The following ZMYM4 variants were observed in gnomAD, a reference collection of about 807,000 sequenced individuals.
The protein encoded by ZMYM4 is zinc finger MYM-type containing 4.
ZMYM4 carries 31 observed loss-of-function variants against 183.2 expected under a neutral mutation model. The observed-to-expected ratio is 0.17, with a 90% confidence interval of 0.13 to 0.23. The LOEUF is 0.23. ZMYM4 is among the 10% of genes least tolerant of loss of function. ZMYM4 has a pLI of 1.00. For synonymous variants in ZMYM4, 592 were observed against 631.2 expected (o/e 0.94, Z 0.93); for missense variants, 1,273 against 1,840.3 (o/e 0.69, Z 5.64).
chr1:35,312,345 C>T (rs1641840802), intron 1 of ZMYM4, among the ~76,000 whole-genome samples: 1 of 152,096 alleles, frequency 6.6e-6, no homozygotes, highest in African/African-American at 2.4e-5. Flanking sequence ...GCTTCTGGAA[C>T]TCTGATGCCA....
At chr1:35,414,162 T>A in intron 27 of ZMYM4, 79 bp downstream of exon 27, 2 of 874,450 alleles carry the variant, frequency 2.3e-6, no homozygotes, top group Non-Finnish European at 3.6e-6. Context: ...TTTAAAAAAA[T>A]TGTTCATTTT....
intron 26 of ZMYM4, 49 bp from the exon 27 acceptor site, chr1:35,413,923 C>T (rs764323471): frequency 1.8e-6 from 2 of 1,100,664 alleles, no homozygotes; most frequent in Non-Finnish European, 2.6e-6. Flanking sequence ...TTTAAGAACT[C>T]ATGTTTTCTT....
chr1:35,299,728 T>G (rs1220826260), intron 1 of ZMYM4, among the ~76,000 whole-genome samples: 1 of 151,726 alleles, frequency 6.6e-6, no homozygotes, highest in African/African-American at 2.4e-5. Context: ...GTTACAAAGT[T>G]ACACTCTTAT....
intron 23 of ZMYM4, among the ~76,000 whole-genome samples, chr1:35,402,544 G>T (rs370914418): frequency 2.6e-4 from 40 of 152,184 alleles, no homozygotes; most frequent in African/African-American, 3.9e-4. Flanking sequence ...TTGAGCCTAG[G>T]GGGGGTCGAG....
intron 2 of ZMYM4, among the ~76,000 whole-genome samples, chr1:35,340,471 A>G (rs1338758963): frequency 6.6e-6 from 1 of 151,986 alleles, no homozygotes; most frequent in Non-Finnish European, 1.5e-5. Context: ...ACAGCACATT[A>G]TAATGTAGAA....
chr1:35,278,815 A>G (rs927860347), intron 1 of ZMYM4, among the ~76,000 whole-genome samples: 2 of 152,210 alleles, frequency 1.3e-5, no homozygotes, highest in Non-Finnish European at 2.9e-5. Flanking sequence ...AGGTAAGAGT[A>G]TGGACTCGGC....
intron 1 of ZMYM4, among the ~76,000 whole-genome samples, chr1:35,320,804 T>C (rs1024949785): frequency 6.6e-6 from 1 of 152,230 alleles, no homozygotes; most frequent in Non-Finnish European, 1.5e-5. Flanking sequence ...TGTTCTGTGT[T>C]GCGAGACTGT....
At chr1:35,283,603 C>G (rs1251946861) in intron 1 of ZMYM4, among the ~76,000 whole-genome samples, 1 of 151,994 alleles carries the variant, frequency 6.6e-6, no homozygotes, top group Non-Finnish European at 1.5e-5. Context: ...TCCCAAAGTG[C>G]TGGGATTACA....
intron 5 of ZMYM4, among the ~76,000 whole-genome samples, chr1:35,362,905 C>G (rs1055498913): frequency 6.6e-6 from 1 of 152,154 alleles, no homozygotes; most frequent in Non-Finnish European, 1.5e-5. Flanking sequence ...GACGTGATGG[C>G]TCACGCCTGT....
chr1:35,323,297 C>G (rs111360061), intron 1 of ZMYM4, among the ~76,000 whole-genome samples: 2,354 of 151,882 alleles, frequency 0.015, 67 homozygotes, highest in African/African-American at 0.054. Flanking sequence ...CCACTGCACC[C>G]GGCTGGACAA....
chr1:35,307,915 C>T (rs1019392308), intron 1 of ZMYM4, among the ~76,000 whole-genome samples: 8 of 148,656 alleles, frequency 5.4e-5, no homozygotes, highest in South Asian at 2.1e-4. Context: ...CTGCAACCTC[C>T]GCCTCCCGGG....
At chr1:35,362,887 A>G (rs1643974374) in intron 5 of ZMYM4, among the ~76,000 whole-genome samples, 1 of 152,042 alleles carries the variant, frequency 6.6e-6, no homozygotes. Flanking sequence ...AGATTTGTAG[A>G]GGGGCCAGAC....
At chr1:35,333,916 G>A (rs1209950556) in intron 2 of ZMYM4, among the ~76,000 whole-genome samples, 4 of 151,674 alleles carry the variant, frequency 2.6e-5, no homozygotes, top group South Asian at 4.2e-4. Context: ...CATTTATGTC[G>A]TTTAAGGTTT....
At chr1:35,335,574 G>T (rs529806439) in intron 2 of ZMYM4, among the ~76,000 whole-genome samples, 6 of 152,184 alleles carry the variant, frequency 3.9e-5, no homozygotes, top group African/African-American at 9.6e-5. Context: ...CTGCATTGTT[G>T]TATGCGGTTC....
At chr1:35,290,733 G>A (rs915901450) in intron 1 of ZMYM4, among the ~76,000 whole-genome samples, 1 of 152,140 alleles carries the variant, frequency 6.6e-6, no homozygotes, top group Non-Finnish European at 1.5e-5. Context: ...TGCCTGGCTG[G>A]ATGAAAATAT....
At chr1:35,415,051 AAAAAG>A (rs1002926299) in intron 27 of ZMYM4, among the ~76,000 whole-genome samples, 33 of 152,144 alleles carry the variant, frequency 2.2e-4, no homozygotes, top group Non-Finnish European at 4.0e-4. Context: ...CTGTCTCAAA[AAAAAG>A]AAAAGAAAAT....
chr1:35,299,952 G>C (rs952616970), intron 1 of ZMYM4, among the ~76,000 whole-genome samples: 5 of 151,796 alleles, frequency 3.3e-5, no homozygotes, highest in African/African-American at 1.2e-4. Flanking sequence ...CTGCCACCAC[G>C]CCTGGCTATT....
rs778837812 is a variant in ZMYM4 at position 35,370,626 on chromosome 1, A to G, written c.1180A>G (p.Lys394Glu). 5.6e-6 allele frequency: 9 copies of G among 1,603,526 alleles called. No individual in the cohort carries two copies. The highest frequency in any genetic ancestry group is 6.0e-6 in the Non-Finnish European group (7 of 1,173,602). The change falls in exon 7 of 30, where the codon AAA (lysine) becomes GAA (glutamate). Residue 394 changes from lysine (K) to glutamate (E), a missense_variant and splice_region_variant. Physicochemically the swap from Lys to Glu is moderately conservative, Grantham distance 56. This residue lies in a region of ZMYM4 where 384 missense variants were observed against 465.6 expected (regional missense o/e 0.82). Coordinates refer to ENST00000314607, the MANE Select transcript of ZMYM4 (RefSeq NM_005095.3). ...CAAGAAAACTTGTTCAAGTTGCTCA[A>G]AGTATAGCAGAATTCTAAATTATCT... ...LTKKTCSSCS[K>E]DILNPKDVIS...
chr1:35,290,006 C>T (rs1272062745), intron 1 of ZMYM4, among the ~76,000 whole-genome samples: 2 of 151,816 alleles, frequency 1.3e-5, no homozygotes, highest in African/African-American at 4.8e-5. Flanking sequence ...CTCACTCTGT[C>T]ACCTAGGCTG....
Sources: gnomAD v4.1 joint callset for allele counts (sites outside exome capture counted in the v4.1 genomes callset) on GRCh38, gnomAD v4.1.1 for gene constraint, gnomAD v4.1.1 regional missense constraint, MANE v1.5 for transcripts, NCBI Gene and HGNC (gene_info 2026-07-23, HGNC 2026-07-21) for gene names.